GRM7: variants seen among roughly 807,000 people sequenced by gnomAD.
GRM7 encodes metabotropic glutamate receptor 7.
In GRM7, 35 loss-of-function variants were observed where a neutral mutation model predicts 84.5. The ratio of observed to expected loss-of-function variants is 0.41; its 90% CI spans 0.32 to 0.55. The LOEUF is 0.55. Ranked by LOEUF, GRM7 falls within the 20% of genes least tolerant of loss-of-function variation. GRM7 has a pLI of 0.19. For synonymous variants in GRM7, 487 were observed against 455.1 expected (o/e 1.07, Z -0.89); for missense variants, 1,003 against 1,194.6 (o/e 0.84, Z 2.36).
chr3:7,569,393 T>A (rs184978881), intron 7 of GRM7, among the ~76,000 whole-genome samples: 6 of 152,226 alleles, frequency 3.9e-5, no homozygotes, highest in African/African-American at 1.2e-4. Context: ...ATCTAGCTAA[T>A]CTAGTGGGGA....
intron 1 of GRM7, among the ~76,000 whole-genome samples, chr3:6,954,436 T>C (rs1692934302): frequency 6.6e-6 from 1 of 152,204 alleles, no homozygotes; most frequent in South Asian, 2.1e-4. Context: ...AGCTGTCTGA[T>C]TCTTCAAGAA....
intron 4 of GRM7, among the ~76,000 whole-genome samples, chr3:7,327,958 G>C (rs1039169462): frequency 4.2e-4 from 64 of 152,142 alleles, no homozygotes; most frequent in African/African-American, 1.5e-3. Flanking sequence ...TTACTTCTTT[G>C]TGTAGATGAG....
At chr3:7,230,152 A>G (rs1305215613) in intron 2 of GRM7, among the ~76,000 whole-genome samples, 1 of 151,958 alleles carries the variant, frequency 6.6e-6, no homozygotes, top group Non-Finnish European at 1.5e-5. Context: ...TCCATCTTCC[A>G]GTTGAACTCT....
chr3:7,367,781 GAAT>G (rs1693963107), intron 4 of GRM7, among the ~76,000 whole-genome samples: 1 of 151,784 alleles, frequency 6.6e-6, no homozygotes, highest in Non-Finnish European at 1.5e-5. Flanking sequence ...AGAGTCCAGA[GAAT>G]AAAATTCCCT....
intron 1 of GRM7, among the ~76,000 whole-genome samples, chr3:7,106,490 T>G (rs1297275433): frequency 2.2e-4 from 34 of 151,924 alleles, no homozygotes. Flanking sequence ...CAAATGTGAA[T>G]GATAATTTTT....
chr3:7,024,911 A>G (rs145528784), intron 1 of GRM7, among the ~76,000 whole-genome samples: 51 of 152,342 alleles, frequency 3.3e-4, no homozygotes, highest in Non-Finnish European at 3.4e-4. Flanking sequence ...AAAACGATGT[A>G]AATGTATTAT....
intron 1 of GRM7, among the ~76,000 whole-genome samples, chr3:7,106,688 C>T (rs1692659263): frequency 6.6e-6 from 1 of 152,010 alleles, no homozygotes; most frequent in South Asian, 2.1e-4. Context: ...CATTTTATTT[C>T]TGCTAGTGAC....
At position 7,569,445 on chromosome 3, in the gene GRM7, C is replaced by A. The variant is rs1421637976; in HGVS notation, c.1516-8977C>A. Among the ~76,000 whole-genome samples the A allele has an allele frequency of 4.6e-5, 7 of 152,114 alleles. No homozygotes were observed. In the East Asian group the frequency reaches 1.4e-3, roughly 29 times the overall value. The stretch of plus-strand genomic sequence containing the variant: ...GTCTAGCTCAGGGAATGTAAACACA[C>A]CAATCAGCACCCTGTCAAAACAGAC... On this transcript the variant is annotated intron_variant, in intron 7 of 9. Transcript: ENST00000357716.
chr3:6,958,095 G>GTATA (rs1553601427), intron 1 of GRM7, among the ~76,000 whole-genome samples: 1 of 151,440 alleles, frequency 6.6e-6, no homozygotes. Flanking sequence ...GTGTGTGTGT[G>GTATA]TATATATATA....
chr3:7,563,296 G>C (rs1694109814), intron 7 of GRM7, among the ~76,000 whole-genome samples: 3 of 152,220 alleles, frequency 2.0e-5, no homozygotes, highest in South Asian at 2.1e-4. Flanking sequence ...GTGTTCAAAG[G>C]CATAAAAGAG....
intron 2 of GRM7, among the ~76,000 whole-genome samples, chr3:7,172,666 C>A (rs1220935187): frequency 6.6e-6 from 1 of 150,968 alleles, no homozygotes; most frequent in Non-Finnish European, 1.5e-5. Flanking sequence ...CCGAAAAGAA[C>A]AATTTTTGAG....
At chr3:7,357,959 G>T (rs1253739787) in intron 4 of GRM7, among the ~76,000 whole-genome samples, 7 of 152,190 alleles carry the variant, frequency 4.6e-5, no homozygotes. Flanking sequence ...ACTCATGTCA[G>T]TTACCTGCCT....
At chr3:7,433,060 T>C (rs756733848) in intron 5 of GRM7, among the ~76,000 whole-genome samples, 3 of 151,826 alleles carry the variant, frequency 2.0e-5, no homozygotes, top group Non-Finnish European at 4.4e-5. Context: ...AGAAGGAAAG[T>C]AGAGAGGAAG....
At chr3:7,155,811 A>G (rs1026501889) in intron 2 of GRM7, among the ~76,000 whole-genome samples, 7 of 152,126 alleles carry the variant, frequency 4.6e-5, no homozygotes, top group Admixed American at 2.6e-4. Flanking sequence ...TCCGGCAGTA[A>G]TAGTAGCCGT....
intron 2 of GRM7, among the ~76,000 whole-genome samples, chr3:7,241,692 A>C (rs1019822844): frequency 6.6e-6 from 1 of 152,096 alleles, no homozygotes; most frequent in Non-Finnish European, 1.5e-5. Context: ...AGCTGTTCCA[A>C]TATTCTATCA....
intron 2 of GRM7, among the ~76,000 whole-genome samples, chr3:7,212,257 T>A (rs887236529): frequency 1.3e-5 from 2 of 152,108 alleles, no homozygotes; most frequent in Non-Finnish European, 2.9e-5. Flanking sequence ...GTATTTCATT[T>A]CTGCCTAATG....
intron 7 of GRM7, among the ~76,000 whole-genome samples, chr3:7,576,593 A>C (rs1462236163): frequency 6.6e-6 from 1 of 152,194 alleles, no homozygotes; most frequent in Non-Finnish European, 1.5e-5. Flanking sequence ...AATATGCAAT[A>C]TATTATTTTT....
At chr3:7,598,645 C>T (rs911491150) in intron 8 of GRM7, among the ~76,000 whole-genome samples, 2 of 152,092 alleles carry the variant, frequency 1.3e-5, no homozygotes, top group Admixed American at 1.3e-4. Context: ...ACAATTATAA[C>T]ATTAATTTTT....
At position 7,680,433 on chromosome 3, in the gene GRM7, T is replaced by C. The variant is rs1291235029; in HGVS notation, c.2698+138T>C. ...CTGGGTTGCCTTGGTGAATGCCAGC[T>C]TCTGCTCTTTTGAGTTTGACTCATT... On this transcript the variant is annotated intron_variant, in intron 9 of 9. Transcript: ENST00000357716. 3 of 785,402 alleles carry C rather than the reference T, an allele frequency of 3.8e-6. No individual in the cohort carries two copies. In the African/African-American group the frequency reaches 5.2e-5, roughly 14 times the overall value. 48.7% of individuals were successfully genotyped at this position (785,402 alleles called of 1,614,324 possible). A position where few individuals can be genotyped will look rare whatever the true frequency, so the allele number is the denominator to read the frequency against.
Sources: gnomAD v4.1 joint callset for allele counts (sites outside exome capture counted in the v4.1 genomes callset) on GRCh38, gnomAD v4.1.1 for gene constraint, MANE v1.5 for transcripts, NCBI Gene and HGNC (gene_info 2026-07-23, HGNC 2026-07-21) for gene names.